MAPK9: variants seen among roughly 807,000 people sequenced by gnomAD.
MAPK9 encodes mitogen-activated protein kinase 9.
MAPK9 carries 30 observed loss-of-function variants against 57.1 expected under a neutral mutation model. The ratio of observed to expected loss-of-function variants is 0.53; its 90% CI spans 0.39 to 0.71. The LOEUF (loss-of-function observed/expected upper bound fraction) is 0.71, where lower values mean the gene tolerates loss of function less well. Ranked by LOEUF, MAPK9 falls within the 30% of genes least tolerant of loss-of-function variation. MAPK9 has a pLI of 0.00. For synonymous variants in MAPK9, 155 were observed against 177.0 expected, an observed-to-expected ratio of 0.88 and a Z score of 0.99; for missense variants, 362 against 521.0, an observed-to-expected ratio of 0.69 and a Z score of 2.97.
At chr5:180,262,505 G>A (rs905248172) in intron 4 of MAPK9, among the ~76,000 whole-genome samples, 28 of 151,338 alleles carry the variant, frequency 1.9e-4, no homozygotes, top group African/African-American at 6.3e-4. Context: ...TCGCCTCACT[G>A]CAACCTCCAC....
At chr5:180,273,982 T>C (rs1761594187) in intron 2 of MAPK9, among the ~76,000 whole-genome samples, 1 of 147,028 alleles carries the variant, frequency 6.8e-6, no homozygotes, top group African/African-American at 2.5e-5. Flanking sequence ...TTTGTTCATT[T>C]CTTTGTTTTT....
intron 1 of MAPK9, among the ~76,000 whole-genome samples, chr5:180,282,715 T>C (rs1762414184): frequency 6.6e-6 from 1 of 152,216 alleles, no homozygotes; most frequent in Non-Finnish European, 1.5e-5. Flanking sequence ...GGAGGGTGGC[T>C]GTTCCTCTGC....
chr5:180,261,863 A>G (rs376659416), intron 4 of MAPK9, 41 bp from the exon 5 acceptor site: 11 of 1,556,310 alleles, frequency 7.1e-6, no homozygotes, highest in Non-Finnish European at 8.7e-6. Flanking sequence ...AAAATTATCC[A>G]AAGTTCCTTT....
rs769855661 is a variant in MAPK9 at position 180,269,292 on chromosome 5, G to A, written c.240C>T (p.Val80=). The A allele has an allele frequency of 6.2e-7, 1 of 1,613,162 alleles. No homozygotes were observed. Among genetic ancestry groups the A allele is most frequent in the South Asian group, 1.1e-5 (1 of 91,028 alleles). ...ATACATAACTTACATTTTTATGATT[G>A]ACACATTTTAAGAGGACAAGTTCAC... is the stretch of plus-strand genomic sequence containing the variant. ...AYRELVLLKC[V]NHKNIISLLN... is the part of the protein sequence containing the mutation. Residue 80 remains valine (V), a synonymous_variant, in exon 3 of 12, where the codon GTC becomes GTT. Transcript: ENST00000452135.
chr5:180,264,385 C>T (rs1760315063), intron 4 of MAPK9, among the ~76,000 whole-genome samples: 2 of 152,150 alleles, frequency 1.3e-5, no homozygotes, highest in South Asian at 2.1e-4. Flanking sequence ...TAAGATGATT[C>T]TACTTAAGAT....
At chr5:180,245,104 G>C (rs1462219293) in intron 7 of MAPK9, among the ~76,000 whole-genome samples, 2 of 152,148 alleles carry the variant, frequency 1.3e-5, no homozygotes, top group African/African-American at 4.8e-5. Flanking sequence ...TTCCTCCCCT[G>C]CAAGTGCTCG....
intron 1 of MAPK9, among the ~76,000 whole-genome samples, chr5:180,285,693 G>A (rs1762674887): frequency 6.6e-6 from 1 of 151,934 alleles, no homozygotes; most frequent in Non-Finnish European, 1.5e-5. Context: ...GAGGCCGAAG[G>A]TGGGAGGATC....
chr5:180,241,242 T>C (rs1757627520), intron 8 of MAPK9, 87 bp from the exon 9 acceptor site: 2 of 1,257,048 alleles, frequency 1.6e-6, no homozygotes, highest in Admixed American at 2.2e-5. Context: ...ACAACACAGA[T>C]AGAACAAAGA....
In MAPK9 at chr5:180,238,241, G is replaced by C. The variant is rs889110759; in HGVS notation, c.1132+91C>G. On this transcript the variant is annotated intron_variant, in intron 11 of 11. Coordinates refer to ENST00000452135, the MANE Select transcript of MAPK9 (RefSeq NM_002752.5). ...GCAGAGATCGCGCCGCTGCTCTCCA[G>C]CCTGGGCGACAGAACGAAACTCTGT... 5.1e-6 allele frequency: 5 copies of C among 973,576 alleles called. No individual in the cohort carries two copies. The African/African-American group carries it at 6.5e-5, about 13-fold the overall frequency. 60.3% of individuals were successfully genotyped at this position (973,576 alleles called of 1,614,324 possible). A position where few individuals can be genotyped will look rare whatever the true frequency, so the allele number is the denominator to read the frequency against.
chr5:180,263,497 T>G (rs1192933755), intron 4 of MAPK9, among the ~76,000 whole-genome samples: 2 of 152,126 alleles, frequency 1.3e-5, no homozygotes, highest in Non-Finnish European at 2.9e-5. Context: ...ACTCTTACTC[T>G]GACTTGCCTT....
intron 3 of MAPK9, among the ~76,000 whole-genome samples, chr5:180,268,028 G>T (rs1004793144): frequency 1.3e-5 from 2 of 151,958 alleles, no homozygotes; most frequent in Non-Finnish European, 2.9e-5. Flanking sequence ...GTTTCACCAT[G>T]TTAGCCAGGA....
At chr5:180,274,339 C>T (rs540078792) in intron 2 of MAPK9, among the ~76,000 whole-genome samples, 5 of 152,152 alleles carry the variant, frequency 3.3e-5, no homozygotes, top group African/African-American at 4.8e-5. Flanking sequence ...TTTAACAAAA[C>T]GCAGATTATC....
At chr5:180,291,029 G>C (rs1258167803) in intron 1 of MAPK9, among the ~76,000 whole-genome samples, 1 of 152,174 alleles carries the variant, frequency 6.6e-6, no homozygotes, top group South Asian at 2.1e-4. Context: ...TGGTCGAGGA[G>C]GGCCTCACCC....
At chr5:180,277,840 A>T (rs1303672100) in intron 2 of MAPK9, among the ~76,000 whole-genome samples, 2 of 152,170 alleles carry the variant, frequency 1.3e-5, no homozygotes, top group Non-Finnish European at 2.9e-5. Flanking sequence ...TTATTTCCCA[A>T]TTCTACTTGG....
chr5:180,279,178 G>A (rs1189834533), intron 2 of MAPK9, among the ~76,000 whole-genome samples: 5 of 152,104 alleles, frequency 3.3e-5, no homozygotes, highest in Non-Finnish European at 5.9e-5. Flanking sequence ...GGATGGTCTC[G>A]ATCTCTTGAC....
At chr5:180,281,393 C>T (rs1004117243) in intron 1 of MAPK9, among the ~76,000 whole-genome samples, 22 of 152,264 alleles carry the variant, frequency 1.4e-4, no homozygotes, top group African/African-American at 4.8e-4. Flanking sequence ...GCTGAGACTG[C>T]TGCTCTGCAG....
chr5:180,288,988 A>G (rs1763009079), intron 1 of MAPK9, among the ~76,000 whole-genome samples: 1 of 152,258 alleles, frequency 6.6e-6, no homozygotes, highest in South Asian at 2.1e-4. Flanking sequence ...AGTACAAAGT[A>G]TCAGGAATTA....
At chr5:180,279,060 C>T (rs570735574) in intron 2 of MAPK9, among the ~76,000 whole-genome samples, 1 of 151,342 alleles carries the variant, frequency 6.6e-6, no homozygotes, top group African/African-American at 2.4e-5. Context: ...CAGGTTCAAG[C>T]GATTCTCTTG....
At chr5:180,241,191 A>G in intron 8 of MAPK9, 36 bp from the exon 9 acceptor site, 1 of 1,585,640 alleles carries the variant, frequency 6.3e-7, no homozygotes, top group Non-Finnish European at 8.6e-7. Flanking sequence ...AATGCTGTTA[A>G]TATGAAACAA....
Sources: gnomAD v4.1 joint callset for allele counts (sites outside exome capture counted in the v4.1 genomes callset) on GRCh38, gnomAD v4.1.1 for gene constraint, MANE v1.5 for transcripts, NCBI Gene and HGNC (gene_info 2026-07-23, HGNC 2026-07-21) for gene names.